ZNF804B: variants seen among roughly 807,000 people sequenced by gnomAD.
ZNF804B encodes zinc finger 804B.
Under a neutral mutation model 101.4 loss-of-function variants are expected in ZNF804B, and 80 were observed. The ratio of observed to expected loss-of-function variants is 0.79; its 90% CI spans 0.66 to 0.95. The LOEUF (loss-of-function observed/expected upper bound fraction) is 0.95. Among genes scored for constraint, ZNF804B ranks in the 40% least tolerant of loss-of-function variants. ZNF804B has a pLI of 0.00. For missense variants in ZNF804B, 1,673 were observed against 1,561.9 expected, an observed-to-expected ratio of 1.07 and a Z score of -1.20; for synonymous variants, 622 against 558.8, an observed-to-expected ratio of 1.11 and a Z score of -1.59.
intron 1 of ZNF804B, among the ~76,000 whole-genome samples, chr7:88,784,168 T>C (rs1171452727): frequency 2.0e-5 from 3 of 152,152 alleles, no homozygotes; most frequent in Admixed American, 6.6e-5. Flanking sequence ...AAATACAATG[T>C]GGCTGATCCA....
intron 1 of ZNF804B, among the ~76,000 whole-genome samples, chr7:89,171,111 C>T (rs1791217527): frequency 6.6e-6 from 1 of 152,090 alleles, no homozygotes; most frequent in African/African-American, 2.4e-5. Flanking sequence ...CTTAACTGAA[C>T]TGTGGTTTCC....
intron 2 of ZNF804B, among the ~76,000 whole-genome samples, chr7:89,278,170 A>C (rs1218731078): frequency 6.6e-6 from 1 of 152,032 alleles, no homozygotes; most frequent in Admixed American, 6.6e-5. Context: ...GTCTGTTCAT[A>C]TCCTTTGCCC....
intron 1 of ZNF804B, among the ~76,000 whole-genome samples, chr7:88,774,914 C>G (rs1220930349): frequency 1.3e-5 from 2 of 152,156 alleles, no homozygotes; most frequent in Non-Finnish European, 2.9e-5. Context: ...CAGTGAAAAG[C>G]TCTCAGGGGG....
At chr7:89,088,334 A>G (rs561046836) in intron 1 of ZNF804B, among the ~76,000 whole-genome samples, 19 of 152,186 alleles carry the variant, frequency 1.2e-4, no homozygotes, top group African/African-American at 4.6e-4. Context: ...AAACAAAGGC[A>G]AGGTGGATAT....
Position 89,034,363 on chromosome 7 carries a change from A to G in ZNF804B, c.109-183792A>G, listed in dbSNP as rs575587766. On this transcript the variant is annotated intron_variant, in intron 1 of 3. Transcript: ENST00000333190. Reference sequence around the variant, plus strand: ...TGTGCCGTGGTTGTTTGCTGCAACCATCAACCCACAATTTCTCCTAATGCT... The same window carrying G: ...TGTGCCGTGGTTGTTTGCTGCAACCGTCAACCCACAATTTCTCCTAATGCT... 2.3e-3 allele frequency among the ~76,000 whole-genome samples: 353 copies of G among 152,134 alleles called. 4 individuals carry two copies. The highest frequency in any genetic ancestry group is 3.9e-3 in the Non-Finnish European group (262 of 67,980).
intron 1 of ZNF804B, among the ~76,000 whole-genome samples, chr7:88,918,913 A>G (rs1480653961): frequency 6.6e-6 from 1 of 152,160 alleles, no homozygotes; most frequent in Non-Finnish European, 1.5e-5. Context: ...ATTGAAACAC[A>G]TCAAAGGAAT....
chr7:88,821,072 A>G (rs2115759461), intron 1 of ZNF804B, among the ~76,000 whole-genome samples: 1 of 152,312 alleles, frequency 6.6e-6, no homozygotes, highest in South Asian at 2.1e-4. Flanking sequence ...ATTCTGGAAT[A>G]AAATTGTGAA....
intron 1 of ZNF804B, among the ~76,000 whole-genome samples, chr7:89,116,972 A>T (rs538842831): frequency 6.6e-6 from 1 of 152,324 alleles, no homozygotes; most frequent in South Asian, 2.1e-4. Flanking sequence ...AATCACATGT[A>T]TATTTATAAG....
At chr7:88,954,615 A>G (rs1793275891) in intron 1 of ZNF804B, among the ~76,000 whole-genome samples, 1 of 151,652 alleles carries the variant, frequency 6.6e-6, no homozygotes, top group African/African-American at 2.4e-5. Context: ...CCTTGCAAAA[A>G]TATCAATCAC....
In ZNF804B at chr7:89,334,163, A is replaced by C. The variant is rs774587469; in HGVS notation, c.1181A>C (p.Glu394Ala). Residue 394 changes from glutamate (E) to alanine (A), a missense_variant, in exon 4 of 4, where the codon GAA becomes GCA. Coordinates refer to ENST00000333190, the MANE Select transcript of ZNF804B (RefSeq NM_181646.5). ...LDEFSSLEPS[E>A]QKSTVHLNPN... ...GAGTTTTCATCACTGGAGCCAAGTG[A>C]ACAAAAGAGTACAGTGCATCTGAAT... 1 of 1,613,626 alleles carries C rather than the reference A, an allele frequency of 6.2e-7. No individual in the cohort carries two copies. The highest frequency in any genetic ancestry group is 8.5e-7 in the Non-Finnish European group (1 of 1,179,844).
rs1269511973 is a variant in ZNF804B at position 88,916,152 on chromosome 7, G to A, written c.108+156068G>A. ...CTTTGACTTCAGGAGAAAGAATATA[G>A]AAGGCTACTGAATTTACATTTTCCA... On this transcript the variant is annotated intron_variant, in intron 1 of 3. Coordinates refer to ENST00000333190, the MANE Select transcript of ZNF804B (RefSeq NM_181646.5). 3.3e-5 allele frequency among the ~76,000 whole-genome samples: 5 copies of A among 152,128 alleles called. No homozygotes were observed. The East Asian group carries it at 9.6e-4, about 29-fold the overall frequency.
Position 89,337,139 on chromosome 7 carries a change from A to G in ZNF804B, c.*107A>G, listed in dbSNP as rs1456131136. 1.8e-6 allele frequency: 2 copies of G among 1,123,786 alleles called. No individual in the cohort carries two copies. Among genetic ancestry groups the G allele is most frequent in the Non-Finnish European group, 2.5e-6 (2 of 808,540 alleles). 69.6% of individuals were successfully genotyped at this position (1,123,786 alleles called of 1,614,324 possible). ...TATAAGATTTAAAATATTGCTGCCAATTCAAAATGTGACAAATATATAAAT... is the reference window on the plus strand; with the variant it reads ...TATAAGATTTAAAATATTGCTGCCAGTTCAAAATGTGACAAATATATAAAT... On this transcript the variant is annotated 3_prime_UTR_variant, in exon 4 of 4. Transcript: ENST00000333190.
Position 89,336,379 on chromosome 7 carries a change from G to A in ZNF804B, c.3397G>A (p.Glu1133Lys), listed in dbSNP as rs755445221. ...ACCTGACAAAGTCGAAGACGGATTAGAAATGTGTCATAAATCTATCTCTCC... is the reference window on the plus strand; with the variant it reads ...ACCTGACAAAGTCGAAGACGGATTAAAAATGTGTCATAAATCTATCTCTCC... ...QKPDKVEDGL[E>K]MCHKSISPPL... Residue 1133 changes from glutamate (E) to lysine (K), a missense_variant, in exon 4 of 4, where the codon GAA becomes AAA. Coordinates refer to ENST00000333190, the MANE Select transcript of ZNF804B (RefSeq NM_181646.5). 2 of 1,614,032 alleles carry A rather than the reference G, an allele frequency of 1.2e-6. No homozygotes were observed. Among genetic ancestry groups the A allele is most frequent in the East Asian group, 2.2e-5 (1 of 44,872 alleles).
intron 1 of ZNF804B, among the ~76,000 whole-genome samples, chr7:89,116,899 C>A (rs1268783612): frequency 6.6e-6 from 1 of 152,050 alleles, no homozygotes; most frequent in Non-Finnish European, 1.5e-5. Context: ...AAATATATTG[C>A]AGATATGATT....
intron 1 of ZNF804B, among the ~76,000 whole-genome samples, chr7:89,074,396 G>A (rs376175345): frequency 7.9e-5 from 12 of 152,100 alleles, no homozygotes; most frequent in East Asian, 1.9e-4. Context: ...TGAATTAAGC[G>A]GCAGGTCTTT....
intron 1 of ZNF804B, among the ~76,000 whole-genome samples, chr7:88,983,255 GTGATA>G (rs1470083414): frequency 2.0e-5 from 3 of 152,086 alleles, no homozygotes; most frequent in Non-Finnish European, 4.4e-5. Context: ...AGATCCTCAA[GTGATA>G]TGTGTGCCCA....
intron 1 of ZNF804B, among the ~76,000 whole-genome samples, chr7:88,782,098 AGTGCGTGTGTGT>A (rs1426971967): frequency 3.8e-5 from 5 of 132,104 alleles, no homozygotes; most frequent in African/African-American, 9.4e-5. Context: ...CTTTTGTGTG[AGTGCGTGTGTGT>A]GTGTGTGTGT....
chr7:89,246,137 C>T (rs1165466508), intron 2 of ZNF804B, among the ~76,000 whole-genome samples: 8 of 152,134 alleles, frequency 5.3e-5, no homozygotes, highest in Non-Finnish European at 5.9e-5. Flanking sequence ...GAAGTACCTG[C>T]TGTGGACCAG....
chr7:89,125,584 T>G (rs10281024), intron 1 of ZNF804B, among the ~76,000 whole-genome samples: 40,905 of 151,874 alleles, frequency 0.27, 5,533 homozygotes, highest in Admixed American at 0.32. Flanking sequence ...TAATTTAAAT[T>G]TTCTTAGCTT....
Sources: allele counts gnomAD v4.1 joint callset (sites outside exome capture counted in the v4.1 genomes callset), GRCh38; gene constraint gnomAD v4.1.1; transcripts MANE v1.5; gene names NCBI Gene and HGNC (gene_info 2026-07-23, HGNC 2026-07-21).